NTN1: variants seen among roughly 807,000 people sequenced by gnomAD.
The protein encoded by NTN1 is netrin 1.
Under a neutral mutation model 54.2 loss-of-function variants are expected in NTN1, and 11 were observed. The ratio of observed to expected loss-of-function variants is 0.20; its 90% CI spans 0.13 to 0.34. The LOEUF is 0.34. Among genes scored for constraint, NTN1 ranks in the 10% least tolerant of loss-of-function variants. The probability of loss-of-function intolerance (pLI) is 1.00; values close to 1 mark genes in which losing one functional copy is unlikely to be tolerated. For missense variants in NTN1, 740 were observed against 893.1 expected (o/e 0.83, Z 2.18); for synonymous variants, 371 against 382.0 (o/e 0.97, Z 0.33).
chr17:9,187,208 G>A (rs1013906320), intron 5 of NTN1, among the ~76,000 whole-genome samples: 1 of 152,138 alleles, frequency 6.6e-6, no homozygotes, highest in Non-Finnish European at 1.5e-5. Context: ...GATTGGGGTG[G>A]GAGTTGCTGG....
chr17:9,069,858 G>A (rs1458635039), intron 2 of NTN1, among the ~76,000 whole-genome samples: 7 of 152,172 alleles, frequency 4.6e-5, no homozygotes, highest in Non-Finnish European at 8.8e-5. Context: ...TTGCCCACTT[G>A]GTGAGGGTAC....
chr17:9,127,074 G>GGC lies in NTN1; in HGVS notation c.1019-35738_1019-35737insCG, dbSNP rs529638649. On this transcript the variant is annotated intron_variant, in intron 2 of 6. Coordinates refer to ENST00000173229, the MANE Select transcript of NTN1 (RefSeq NM_004822.3). Reference sequence around the variant, plus strand: ...AGGAGTGAGATTGTGGTAGGGCCGGGGGGGGGCAGGACAGGGAGTTAGGAT... The same window carrying GGC: ...AGGAGTGAGATTGTGGTAGGGCCGGGGCGGGGGGCAGGACAGGGAGTTAGGAT... Among the ~76,000 whole-genome samples the GGC allele has an allele frequency of 5.3e-5, 8 of 149,950 alleles. No homozygotes were observed. In the South Asian group the frequency reaches 6.6e-4, roughly 12 times the overall value.
intron 2 of NTN1, among the ~76,000 whole-genome samples, chr17:9,124,194 T>A (rs974344001): frequency 2.0e-5 from 3 of 152,248 alleles, no homozygotes; most frequent in African/African-American, 7.2e-5. Flanking sequence ...TTCTGACTCA[T>A]GTTCTCTGAC....
At chr17:9,111,511 C>G (rs1438726694) in intron 2 of NTN1, among the ~76,000 whole-genome samples, 1 of 151,954 alleles carries the variant, frequency 6.6e-6, no homozygotes, top group Non-Finnish European at 1.5e-5. Context: ...AGGCACAGTT[C>G]CCCCAGAGAG....
intron 5 of NTN1, among the ~76,000 whole-genome samples, chr17:9,197,794 C>T (rs1206733591): frequency 2.0e-5 from 3 of 151,918 alleles, no homozygotes; most frequent in African/African-American, 7.3e-5. Context: ...TTCCCCTGCC[C>T]TAGTCTCCTG....
intron 2 of NTN1, among the ~76,000 whole-genome samples, chr17:9,063,257 C>G (rs1334418325): frequency 1.3e-5 from 2 of 151,904 alleles, no homozygotes; most frequent in African/African-American, 4.8e-5. Flanking sequence ...CCACCATGCT[C>G]AGCTAATTTT....
chr17:9,216,687 G>A (rs1056205454), intron 5 of NTN1, among the ~76,000 whole-genome samples: 3 of 152,190 alleles, frequency 2.0e-5, no homozygotes, highest in African/African-American at 4.8e-5. Context: ...CTCTGTGGAG[G>A]TAGTGCTCTT....
intron 2 of NTN1, among the ~76,000 whole-genome samples, chr17:9,154,649 A>G (rs999549506): frequency 1.3e-5 from 2 of 152,224 alleles, no homozygotes; most frequent in African/African-American, 4.8e-5. Context: ...AAGGGGGCTC[A>G]GAAAAACACA....
At chr17:9,062,866 G>A (rs894684275) in intron 2 of NTN1, among the ~76,000 whole-genome samples, 7 of 151,096 alleles carry the variant, frequency 4.6e-5, no homozygotes, top group Non-Finnish European at 7.3e-5. Context: ...ATTTGCCAGC[G>A]TCGCCCTTAA....
intron 5 of NTN1, among the ~76,000 whole-genome samples, chr17:9,185,169 T>G (rs2092429578): frequency 6.6e-6 from 1 of 152,164 alleles, no homozygotes; most frequent in Non-Finnish European, 1.5e-5. Context: ...GGGTGTCTGA[T>G]GCTCTCCCCA....
chr17:9,116,145 G>A (rs1191610787), intron 2 of NTN1, among the ~76,000 whole-genome samples: 1 of 152,236 alleles, frequency 6.6e-6, no homozygotes, highest in African/African-American at 2.4e-5. Flanking sequence ...TGGAGGAGCG[G>A]CTGTGGGCCA....
intron 2 of NTN1, among the ~76,000 whole-genome samples, chr17:9,036,662 T>G (rs563324767): frequency 1.3e-5 from 2 of 152,208 alleles, no homozygotes; most frequent in Non-Finnish European, 1.5e-5. Flanking sequence ...GGGCCTCAGT[T>G]CTCTCCTGTA....
At chr17:9,233,993 C>T (rs1905897396) in intron 6 of NTN1, among the ~76,000 whole-genome samples, 2 of 152,218 alleles carry the variant, frequency 1.3e-5, no homozygotes, top group African/African-American at 2.4e-5. Context: ...GCCCCCTGCC[C>T]CATTGGCTGT....
chr17:9,119,236 G>A (rs2092224690), intron 2 of NTN1, among the ~76,000 whole-genome samples: 1 of 152,110 alleles, frequency 6.6e-6, no homozygotes, highest in Non-Finnish European at 1.5e-5. Context: ...TCCTCAGGCT[G>A]GAGTGCAATG....
intron 6 of NTN1, among the ~76,000 whole-genome samples, chr17:9,228,269 C>T (rs1905668069): frequency 6.6e-6 from 1 of 152,196 alleles, no homozygotes; most frequent in Non-Finnish European, 1.5e-5. Context: ...CTGGGCAAAG[C>T]AGGGCTCCTC....
chr17:9,224,590 A>G (rs68072647), intron 6 of NTN1, among the ~76,000 whole-genome samples: 64,967 of 152,078 alleles, frequency 0.43, 14,249 homozygotes, highest in Non-Finnish European at 0.48. Flanking sequence ...GGAGTGGCCC[A>G]GCCTCCCGCC....
chr17:9,061,110 G>T (rs1011444118), intron 2 of NTN1, among the ~76,000 whole-genome samples: 2 of 152,246 alleles, frequency 1.3e-5, no homozygotes, highest in Non-Finnish European at 1.5e-5. Flanking sequence ...ACAGGGGAAA[G>T]ATCATCATGT....
At chr17:9,150,573 G>T in intron 2 of NTN1, among the ~76,000 whole-genome samples, 1 of 152,200 alleles carries the variant, frequency 6.6e-6, no homozygotes, top group East Asian at 1.9e-4. Context: ...GACTGCTCAG[G>T]GCTTACCAAA....
At chr17:9,185,068 G>A (rs960228445) in intron 5 of NTN1, among the ~76,000 whole-genome samples, 1 of 152,228 alleles carries the variant, frequency 6.6e-6, no homozygotes, top group Non-Finnish European at 1.5e-5. Flanking sequence ...TCCTCAGAGA[G>A]AGGCTGAGTG....
Sources: gnomAD v4.1 joint callset for allele counts (sites outside exome capture counted in the v4.1 genomes callset) on GRCh38, gnomAD v4.1.1 for gene constraint, MANE v1.5 for transcripts, NCBI Gene and HGNC (gene_info 2026-07-23, HGNC 2026-07-21) for gene names.